Variants in RDH10 observed in about 807,000 individuals in gnomAD.
RDH10 encodes the protein retinol dehydrogenase 10, also known as retinol dehydrogenase 10 (all-trans).
In RDH10, 12 loss-of-function variants were observed where a neutral mutation model predicts 30.2. The ratio of observed to expected loss-of-function variants is 0.40; its 90% CI spans 0.25 to 0.64. RDH10 has a LOEUF of 0.64. Ranked by LOEUF, RDH10 falls within the 30% of genes least tolerant of loss-of-function variation. RDH10 has a pLI of 0.43. For missense variants in RDH10, 268 were observed against 445.2 expected (o/e 0.60, Z 3.58); for synonymous variants, 189 against 172.2 (o/e 1.10, Z -0.76).
At chr8:73,313,846 C>G (rs1474004816) in intron 2 of RDH10, among the ~76,000 whole-genome samples, 1 of 152,234 alleles carries the variant, frequency 6.6e-6, no homozygotes, top group East Asian at 1.9e-4. Context: ...CACCAGCTCA[C>G]TCTGGAGACT....
chr8:73,307,373 A>G (rs1015682673), intron 2 of RDH10, among the ~76,000 whole-genome samples: 1 of 152,226 alleles, frequency 6.6e-6, no homozygotes, highest in Non-Finnish European at 1.5e-5. Context: ...GGAGCCATAC[A>G]TAGTAAGAAC....
intron 2 of RDH10, among the ~76,000 whole-genome samples, chr8:73,317,026 C>T (rs1236893371): frequency 1.3e-5 from 2 of 152,172 alleles, no homozygotes; most frequent in African/African-American, 4.8e-5. Flanking sequence ...CACTAGCTCT[C>T]CTCCACAGTG....
intron 5 of RDH10, 29 bp from the exon 6 acceptor site, chr8:73,322,884 T>G: frequency 6.2e-7 from 1 of 1,614,066 alleles, no homozygotes; most frequent in Non-Finnish European, 8.5e-7. Flanking sequence ...ACTTCAAGTT[T>G]GCTAACAGCT....
intron 2 of RDH10, chr8:73,315,716 G>T (rs931512548): frequency 3.0e-6 from 1 of 331,482 alleles, no homozygotes; most frequent in Non-Finnish European, 6.3e-6. Flanking sequence ...GAGTGGACAC[G>T]TGAGTGAGTG....
chr8:73,294,631 A>G lies in RDH10; in HGVS notation c.-659A>G. On this transcript the variant is annotated 5_prime_UTR_variant, in exon 1 of 6. Coordinates refer to ENST00000240285, the MANE Select transcript of RDH10 (RefSeq NM_172037.5). ...CCGGCCCGGAGCGCTCTGACTTGCA[A>G]GCGGGCTGCGCTGCGGAGCCCAGTG... The G allele has an allele frequency of 3.1e-6, 1 of 318,468 alleles. No individual in the cohort carries two copies. Among genetic ancestry groups the G allele is most frequent in the Non-Finnish European group, 5.7e-6 (1 of 175,322 alleles). The allele number at this position is 318,468 out of a possible 1,614,324, so 19.7% of individuals were successfully genotyped here.
At position 73,322,670 on chromosome 8, in the gene RDH10, A is replaced by T. The variant is rs1308553040; in HGVS notation, c.771-9A>T. 4 of 1,604,268 alleles carry T rather than the reference A, an allele frequency of 2.5e-6. No homozygotes were observed. The African/African-American group carries it at 5.4e-5, about 22-fold the overall frequency. ...TTTTTCATTTTGTTTTTGAATAAAT[A>T]ACTTTCAGGAAAGAAATTGAGCCTT... On this transcript the variant is annotated splice_polypyrimidine_tract_variant and intron_variant, in intron 4 of 5. Transcript: ENST00000240285.
At chr8:73,313,863 A>C (rs555839025) in intron 2 of RDH10, among the ~76,000 whole-genome samples, 13 of 152,322 alleles carry the variant, frequency 8.5e-5, no homozygotes, top group African/African-American at 3.1e-4. Flanking sequence ...GACTGAGCAC[A>C]TGTACTGCAT....
chr8:73,300,273 G>A (rs1814352541), intron 2 of RDH10: 1 of 152,202 alleles, frequency 6.6e-6, no homozygotes, highest in East Asian at 1.9e-4. Flanking sequence ...AAAATTTAAA[G>A]GAAAATTCAG....
intron 2 of RDH10, chr8:73,311,018 A>G (rs952197227): frequency 1.8e-4 from 28 of 152,234 alleles, no homozygotes; most frequent in Admixed American, 1.8e-3. Context: ...TGATCACTCA[A>G]TGCTGGCCAC....
intron 2 of RDH10, among the ~76,000 whole-genome samples, chr8:73,305,666 C>T (rs1028791538): frequency 2.6e-5 from 4 of 152,124 alleles, no homozygotes; most frequent in African/African-American, 9.7e-5. Flanking sequence ...CCTAAATACC[C>T]AGGATGTTTT....
intron 2 of RDH10, among the ~76,000 whole-genome samples, chr8:73,305,921 T>TA (rs1170347795): frequency 6.6e-6 from 1 of 152,238 alleles, no homozygotes; most frequent in African/African-American, 2.4e-5. Context: ...TAAAATATGT[T>TA]AATCTTTCTT....
chr8:73,297,689 T>A, intron 2 of RDH10: 1 of 355,870 alleles, frequency 2.8e-6, no homozygotes, highest in East Asian at 5.0e-5. Context: ...AAGATTGCCA[T>A]AAAAATAACA....
Position 73,295,177 on chromosome 8 carries a change from G to A in RDH10, c.-113G>A, listed in dbSNP as rs1814236792. On this transcript the variant is annotated 5_prime_UTR_variant, in exon 1 of 6. Transcript: ENST00000240285. ...ACCTCGGGGGCGGGCGCGGGGCGCA[G>A]CCTTCTCGTCCCGGCCTCTGTGACA... The A allele has an allele frequency of 9.4e-7, 1 of 1,063,816 alleles. No homozygotes were observed. The highest frequency in any genetic ancestry group is 1.3e-6 in the Non-Finnish European group (1 of 790,118). 65.9% of individuals were successfully genotyped at this position (1,063,816 alleles called of 1,614,324 possible).
chr8:73,308,217 GT>G (rs757675229), intron 2 of RDH10, among the ~76,000 whole-genome samples: 3 of 152,112 alleles, frequency 2.0e-5, no homozygotes, highest in Non-Finnish European at 4.4e-5. Flanking sequence ...TTTTAGTTTA[GT>G]TCATTTTGTT....
intron 2 of RDH10, among the ~76,000 whole-genome samples, chr8:73,313,657 T>C (rs1439240947): frequency 2.6e-5 from 4 of 152,158 alleles, no homozygotes; most frequent in Non-Finnish European, 5.9e-5. Context: ...TCTGTAAACT[T>C]CCTGTTTCAT....
Position 73,295,548 on chromosome 8 carries a change from C to G in RDH10, c.259C>G (p.Leu87Val). 1 of 1,542,828 alleles carries G rather than the reference C, an allele frequency of 6.5e-7. No individual in the cohort carries two copies. The highest frequency in any genetic ancestry group is 8.7e-7 in the Non-Finnish European group (1 of 1,145,708). ...AGMVRHIYRD[L>V]EAADAAALQA... ...CATGGTGCGCCACATCTACCGCGAC[C>G]TGGAGGCGGCCGACGCCGCTGCGCT... Residue 87 changes from leucine (L) to valine (V), a missense_variant, in exon 1 of 6, where the codon CTG becomes GTG. Physicochemically the swap from Leu to Val is conservative, Grantham distance 32. Around this residue, in one of 4 missense-constraint regions of RDH10, gnomAD observed 46 missense variants for 36.7 expected, o/e 1.25. Transcript: ENST00000240285.
At position 73,315,913 on chromosome 8, in the gene RDH10, T is replaced by C. The variant is rs531034757; in HGVS notation, c.526-3183T>C. 2.0e-5 allele frequency among the ~76,000 whole-genome samples: 3 copies of C among 152,370 alleles called. No homozygotes were observed. The South Asian group carries it at 6.2e-4, about 32-fold the overall frequency. Reference sequence around the variant, plus strand: ...AAATTTTCAAAACTTAAAAATGATCTCTGGTTAACGTCAATAATATGTTTT... The same window carrying C: ...AAATTTTCAAAACTTAAAAATGATCCCTGGTTAACGTCAATAATATGTTTT... On this transcript the variant is annotated intron_variant, in intron 2 of 5. Coordinates refer to ENST00000240285, the MANE Select transcript of RDH10 (RefSeq NM_172037.5).
intron 4 of RDH10, chr8:73,321,631 T>C (rs1179158499): frequency 5.6e-6 from 2 of 357,174 alleles, no homozygotes; most frequent in Admixed American, 7.5e-5. Flanking sequence ...CCCACACACA[T>C]AGAAAGGAGG....
intron 2 of RDH10, among the ~76,000 whole-genome samples, chr8:73,310,242 A>G (rs1409791555): frequency 6.6e-6 from 1 of 152,214 alleles, no homozygotes; most frequent in Non-Finnish European, 1.5e-5. Flanking sequence ...ATAGACCCTC[A>G]TATGTGTTGA....
Sources: gnomAD v4.1 joint callset for allele counts (sites outside exome capture counted in the v4.1 genomes callset) on GRCh38, gnomAD v4.1.1 for gene constraint, gnomAD v4.1.1 regional missense constraint, MANE v1.5 for transcripts, NCBI Gene and HGNC (gene_info 2026-07-23, HGNC 2026-07-21) for gene names.